Variants in AZIN2 observed in about 807,000 individuals in gnomAD.
AZIN2 encodes ODC antizyme inhibitor-2.
Under a neutral mutation model 47.8 loss-of-function variants are expected in AZIN2, and 28 were observed. The observed-to-expected ratio is 0.59, with a 90% CI of 0.43 to 0.80. The LOEUF (loss-of-function observed/expected upper bound fraction) is 0.80, where lower values mean the gene tolerates loss of function less well. AZIN2 is among the 30% of genes least tolerant of loss of function. The probability of loss-of-function intolerance (pLI) is 0.00; values close to 1 mark genes in which losing one functional copy is unlikely to be tolerated. For missense variants in AZIN2, 535 were observed against 582.5 expected (o/e 0.92, Z 0.84); for synonymous variants, 221 against 239.4 (o/e 0.92, Z 0.71).
chr1:33,118,241 C>T, intron 11 of AZIN2, 125 bp downstream of exon 11: 1 of 1,077,892 alleles, frequency 9.3e-7, no homozygotes, highest in South Asian at 1.8e-5. Flanking sequence ...CTGCTGGTCC[C>T]ACGTGAGGGA....
chr1:33,096,706 G>C lies in AZIN2; in HGVS notation c.754-1G>C. On this transcript the variant is annotated splice_acceptor_variant, in intron 8 of 11. Coordinates refer to ENST00000294517, the MANE Select transcript of AZIN2 (RefSeq NM_052998.4). LOFTEE classifies it high-confidence loss of function. The stretch of plus-strand genomic sequence containing the variant: ...TTGTCTCCCCATTCTCCTCCTACCA[G>C]ATTGCTTCCGTGATCAACTCAGCCT... 1 of 1,614,236 alleles carries C rather than the reference G, an allele frequency of 6.2e-7. No homozygotes were observed. Among genetic ancestry groups the C allele is most frequent in the Non-Finnish European group, 8.5e-7 (1 of 1,180,030 alleles).
the AZIN2 span, chr1:33,159,854 C>G: frequency 6.2e-6 from 10 of 1,613,440 alleles, no homozygotes; most frequent in Non-Finnish European, 5.1e-6. This position sits in a 1 kb window ranked among gnomAD's most constrained non-coding sequence, Gnocchi z 4.2. Flanking sequence ...GCCTCCAGCT[C>G]CTCTAGCATG....
chr1:33,120,305 C>A lies in AZIN2; in HGVS notation c.*123C>A. The A allele has an allele frequency of 7.4e-7, 1 of 1,357,634 alleles. No individual in the cohort carries two copies. The highest frequency in any genetic ancestry group is 1.0e-6 in the Non-Finnish European group (1 of 1,000,886). The allele number at this position is 1,357,634 out of a possible 1,614,324, so 84.1% of individuals were successfully genotyped here. ...TCTGGTGCCCACCCTGCCACCCCCG[C>A]GCTCCACCTGCAGTGTTTCTGCCCT... On this transcript the variant is annotated 3_prime_UTR_variant, in exon 12 of 12. Coordinates refer to ENST00000294517, the MANE Select transcript of AZIN2 (RefSeq NM_052998.4).
intron 6 of AZIN2, 87 bp downstream of exon 6, chr1:33,092,309 G>C (rs1240813870): frequency 7.0e-7 from 1 of 1,420,654 alleles, no homozygotes; most frequent in Non-Finnish European, 9.4e-7. Flanking sequence ...TGGGCTGTGG[G>C]GAGGCTGGGC....
At chr1:33,138,626 CAAAAA>C in the AZIN2 span, among the ~76,000 whole-genome samples, 1 of 66,106 alleles carries the variant, frequency 1.5e-5, no homozygotes, top group African/African-American at 4.7e-5. Flanking sequence ...ACAACAACAA[CAAAAA>C]AAAAAAAAAA....
At chr1:33,084,163 G>A in intron 5 of AZIN2, 36 bp downstream of exon 5, 2 of 1,600,884 alleles carry the variant, frequency 1.2e-6, no homozygotes, top group Non-Finnish European at 8.5e-7. Flanking sequence ...GACCCTCCAT[G>A]CCCACTGAAC....
chr1:33,105,227 T>A (rs1232025419), intron 10 of AZIN2, among the ~76,000 whole-genome samples: 1 of 152,226 alleles, frequency 6.6e-6, no homozygotes, highest in Admixed American at 6.5e-5. Flanking sequence ...TTCTACTTTT[T>A]AAAAAAGTGT....
chr1:33,084,144 C>T lies in AZIN2; in HGVS notation c.279+17C>T, dbSNP rs558055201. On this transcript the variant is annotated intron_variant, in intron 5 of 11. Coordinates refer to ENST00000294517, the MANE Select transcript of AZIN2 (RefSeq NM_052998.4). ...GCCAACAAGGTGAGCCCTGCCCGCACGGTGCACTGACCCTCCATGCCCACT... is the reference window on the plus strand; with the variant it reads ...GCCAACAAGGTGAGCCCTGCCCGCATGGTGCACTGACCCTCCATGCCCACT... 50 of 1,605,400 alleles carry T rather than the reference C, an allele frequency of 3.1e-5. No individual in the cohort carries two copies. Among genetic ancestry groups the T allele is most frequent in the Admixed American group, 8.3e-5 (5 of 60,010 alleles).
Position 33,117,882 on chromosome 1 carries a change from G to A in AZIN2, c.1030-20G>A, listed in dbSNP as rs763940611. The A allele has an allele frequency of 6.2e-7, 1 of 1,613,928 alleles. No homozygotes were observed. Among genetic ancestry groups the A allele is most frequent in the South Asian group, 1.1e-5 (1 of 91,076 alleles). On this transcript the variant is annotated intron_variant, in intron 10 of 11. Coordinates refer to ENST00000294517, the MANE Select transcript of AZIN2 (RefSeq NM_052998.4). ...TTGTATGCCCAGGAGAGCTGGCATG[G>A]CCATCCCTTCTTCCTACAGAAACCA...
At chr1:33,139,001 A>T in the AZIN2 span, among the ~76,000 whole-genome samples, 2 of 152,344 alleles carry the variant, frequency 1.3e-5, no homozygotes, top group East Asian at 3.9e-4. Flanking sequence ...GTAAGCAAAA[A>T]TGCCTGCAAG....
the AZIN2 span, among the ~76,000 whole-genome samples, chr1:33,141,561 T>C: frequency 1.3e-5 from 2 of 152,216 alleles, no homozygotes; most frequent in Non-Finnish European, 2.9e-5. Flanking sequence ...GCTTTGTGCC[T>C]CTGATGCCAG....
At chr1:33,108,752 G>A (rs1335405659) in intron 10 of AZIN2, among the ~76,000 whole-genome samples, 1 of 152,150 alleles carries the variant, frequency 6.6e-6, no homozygotes. Context: ...TGGGTATACA[G>A]CAGTTTATCC....
the AZIN2 span, among the ~76,000 whole-genome samples, chr1:33,134,813 A>T: frequency 2.0e-5 from 3 of 152,172 alleles, no homozygotes; most frequent in Non-Finnish European, 4.4e-5. Context: ...TCAGCTCTGA[A>T]ACAGTCCTGT....
At position 33,122,615 on chromosome 1, in the gene AZIN2, C is replaced by A. The variant is rs973732750; in HGVS notation, c.*2433C>A. ...TGGACCCCTGGCTGCATGGGCACTG[C>A]CTCCTCCAAGCTCCCTGCTGAGCGA... On this transcript the variant is annotated 3_prime_UTR_variant, in exon 12 of 12. Coordinates refer to ENST00000294517, the MANE Select transcript of AZIN2 (RefSeq NM_052998.4). Among the ~76,000 whole-genome samples, 1 of 152,118 alleles carries A rather than the reference C, an allele frequency of 6.6e-6. No individual in the cohort carries two copies. Among genetic ancestry groups the A allele is most frequent in the East Asian group, 1.9e-4 (1 of 5,184 alleles).
chr1:33,114,139 T>C (rs1240134131), intron 10 of AZIN2, among the ~76,000 whole-genome samples: 6 of 151,938 alleles, frequency 3.9e-5, no homozygotes. Context: ...TTTTTTTTTT[T>C]GAGATGGAGT....
Position 33,113,076 on chromosome 1 carries a change from C to T in AZIN2, c.1030-4826C>T, listed in dbSNP as rs1240865871. On this transcript the variant is annotated intron_variant, in intron 10 of 11. Coordinates refer to ENST00000294517, the MANE Select transcript of AZIN2 (RefSeq NM_052998.4). This position sits in a 1 kb window ranked among gnomAD's most constrained non-coding sequence, Gnocchi z 4.1. ...GCAACCTCCACCTCCCAGGCTCAAG[C>T]GATTCTCTTGGGAGGCCTCAGCCTC... Among the ~76,000 whole-genome samples, 3 of 152,074 alleles carry T rather than the reference C, an allele frequency of 2.0e-5. No individual in the cohort carries two copies. The highest frequency in any genetic ancestry group is 7.2e-5 in the African/African-American group (3 of 41,410).
the AZIN2 span, among the ~76,000 whole-genome samples, chr1:33,136,735 C>T: frequency 1.3e-5 from 2 of 151,576 alleles, no homozygotes; most frequent in African/African-American, 4.8e-5. Context: ...CACGGTGGCT[C>T]ACGCCCGTAA....
intron 5 of AZIN2, among the ~76,000 whole-genome samples, chr1:33,090,719 C>G (rs1642442848): frequency 6.6e-6 from 1 of 152,142 alleles, no homozygotes; most frequent in Non-Finnish European, 1.5e-5. Context: ...CCCCTAAGGT[C>G]TATTCTTTAG....
the AZIN2 span, chr1:33,147,527 TCTC>T: frequency 6.2e-7 from 1 of 1,613,842 alleles, no homozygotes; most frequent in Non-Finnish European, 8.5e-7. This position sits in a 1 kb window ranked among gnomAD's most constrained non-coding sequence, Gnocchi z 8.1. Context: ...CACTGGGTCT[TCTC>T]CGCCACCACC....
Sources: gnomAD v4.1 joint callset for allele counts (sites outside exome capture counted in the v4.1 genomes callset) on GRCh38, gnomAD v4.1.1 for gene constraint, Gnocchi (gnomAD v3.1) non-coding constraint, MANE v1.5 for transcripts, NCBI Gene and HGNC (gene_info 2026-07-23, HGNC 2026-07-21) for gene names.